PAAF1: variants seen among roughly 807,000 people sequenced by gnomAD.
The protein encoded by PAAF1 is proteasomal ATPase associated factor 1.
Under a neutral mutation model 52.8 loss-of-function variants are expected in PAAF1, and 46 were observed. The observed-to-expected ratio is 0.87, with a 90% CI of 0.69 to 1.11. The LOEUF is 1.11. PAAF1 is among the 50% of genes most tolerant of loss of function. PAAF1 has a pLI of 0.00. For synonymous variants in PAAF1, 178 were observed against 172.8 expected, an observed-to-expected ratio of 1.03 and a Z score of -0.24; for missense variants, 424 against 477.4, an observed-to-expected ratio of 0.89 and a Z score of 1.04.
chr11:73,902,577 T>C (rs1565139157), intron 6 of PAAF1, among the ~76,000 whole-genome samples: 1 of 152,284 alleles, frequency 6.6e-6, no homozygotes, highest in Non-Finnish European at 1.5e-5. Context: ...TAAATACCTT[T>C]GGATCACTGC....
upstream of PAAF1, chr11:73,876,923 C>T (rs2135111612): frequency 2.5e-6 from 3 of 1,209,828 alleles, no homozygotes; most frequent in East Asian, 3.0e-5. Context: ...CATTGGTGGC[C>T]TCTTGGTGTT....
intron 11 of PAAF1, among the ~76,000 whole-genome samples, chr11:73,925,746 T>C (rs1442545883): frequency 1.3e-5 from 2 of 152,194 alleles, no homozygotes; most frequent in African/African-American, 4.8e-5. Flanking sequence ...TTACTATTTG[T>C]TGAGGTGTAG....
chr11:73,908,552 G>A (rs1453393997), intron 6 of PAAF1, among the ~76,000 whole-genome samples: 1 of 151,164 alleles, frequency 6.6e-6, no homozygotes, highest in Non-Finnish European at 1.5e-5. Context: ...TTACAGGCAC[G>A]AGCCACCATA....
rs183013557 is a variant in PAAF1, at chr11:73,911,505, A to T, written c.727+1912A>T. Among the ~76,000 whole-genome samples, 7 of 149,226 alleles carry T rather than the reference A, an allele frequency of 4.7e-5. No homozygotes were observed. The East Asian group carries it at 1.4e-3, about 30-fold the overall frequency. ...GCCCTAAAGTAATTTAAATGAGAAT[A>T]TTTTTTCTTGTTTTCTGTAATTTTT... On this transcript the variant is annotated intron_variant, in intron 7 of 11. Transcript: ENST00000310571.
At chr11:73,924,582 C>T (rs746097625) in intron 10 of PAAF1, 33 bp from the exon 11 acceptor site, 14 of 1,558,742 alleles carry the variant, frequency 9.0e-6, no homozygotes, top group Non-Finnish European at 1.2e-5. Context: ...GCAGTTTTCT[C>T]TTAGTTATAT....
chr11:73,878,094 G>A lies in PAAF1; in HGVS notation c.48-685G>A, dbSNP rs150583440. 1.2e-4 allele frequency among the ~76,000 whole-genome samples: 19 copies of A among 152,266 alleles called. No individual in the cohort carries two copies. In the East Asian group the frequency reaches 3.5e-3, roughly 28 times the overall value. On this transcript the variant is annotated intron_variant, in intron 1 of 11. Coordinates refer to ENST00000310571, the MANE Select transcript of PAAF1 (RefSeq NM_025155.3). ...ATGAAACATAGCCTTCTGCATTTAA[G>A]AAATTTACACCTTACTAAATTTATA...
rs369384306 is a variant in PAAF1, at chr11:73,881,149, C to T, written c.88+2330C>T. 1.6e-3 allele frequency among the ~76,000 whole-genome samples: 242 copies of T among 152,146 alleles called. 1 individual carries two copies. Among genetic ancestry groups the T allele is most frequent in the South Asian group, 9.3e-3 (45 of 4,828 alleles). ...TGGCTATCTTGTAATAAACTGTAACCAAAAGGCACAGTTTCTTTAAAGCAA... is the reference window on the plus strand; with the variant it reads ...TGGCTATCTTGTAATAAACTGTAACTAAAAGGCACAGTTTCTTTAAAGCAA... On this transcript the variant is annotated intron_variant, in intron 2 of 11. Transcript: ENST00000310571.
chr11:73,907,744 G>C (rs1949802005), intron 6 of PAAF1, among the ~76,000 whole-genome samples: 1 of 152,198 alleles, frequency 6.6e-6, no homozygotes, highest in Admixed American at 6.5e-5. Context: ...AAACCATGGG[G>C]GAGGGGAAGT....
intron 2 of PAAF1, among the ~76,000 whole-genome samples, chr11:73,882,101 G>A (rs1368351997): frequency 5.3e-5 from 8 of 151,074 alleles, no homozygotes; most frequent in Admixed American, 1.3e-4. Flanking sequence ...GGCTGGTCTC[G>A]AACTCCCAAC....
At chr11:73,921,702 A>C (rs1950225294) in intron 10 of PAAF1, 1 of 929,844 alleles carries the variant, frequency 1.1e-6, no homozygotes, top group Non-Finnish European at 1.7e-6. Context: ...GTCTCTTCAC[A>C]AAACAAGTCC....
At chr11:73,925,246 C>G in intron 11 of PAAF1, among the ~76,000 whole-genome samples, 1 of 151,272 alleles carries the variant, frequency 6.6e-6, no homozygotes, top group East Asian at 1.9e-4. Context: ...CACTTGAGCC[C>G]AGGAGTTTGA....
At chr11:73,916,066 AT>A (rs921117401) in intron 8 of PAAF1, among the ~76,000 whole-genome samples, 25 of 150,656 alleles carry the variant, frequency 1.7e-4, no homozygotes, top group Non-Finnish European at 2.8e-4. Flanking sequence ...AACTATAATA[AT>A]TTTTTTTTTC....
At position 73,919,002 on chromosome 11, in the gene PAAF1, A is replaced by C; in HGVS notation, c.988A>C (p.Ser330Arg). 1 of 1,614,064 alleles carries C rather than the reference A, an allele frequency of 6.2e-7. No homozygotes were observed. Among genetic ancestry groups the C allele is most frequent in the Non-Finnish European group, 8.5e-7 (1 of 1,180,000 alleles). Residue 330 changes from serine to arginine, a missense_variant, in exon 10 of 12, where the codon AGT becomes CGT. By Grantham distance (110) the Ser-to-Arg change is moderately radical. Transcript: ENST00000310571. The part of the protein sequence containing the change: ...RSGAPVLSLL[S>R]VRDGFIASQG... Reference sequence around the variant, plus strand: ...AGGAGCACCAGTTCTATCCCTGCTAAGTGTCAGAGATGGATTCATTGCTAG... The same window carrying C: ...AGGAGCACCAGTTCTATCCCTGCTACGTGTCAGAGATGGATTCATTGCTAG...
chr11:73,930,372 GAAAAAAAA>G lies in PAAF1; in HGVS notation c.*3014_*3021del, dbSNP rs71065056. On this transcript the variant is annotated 3_prime_UTR_variant, in exon 12 of 12. Transcript: ENST00000310571. ...GCGACAGAGCGAGGCTCTATCTCAAGAAAAAAAAAAAGAAAAAAAGAAAACAGGAAGAA... is the reference window on the plus strand; with the variant it reads ...GCGACAGAGCGAGGCTCTATCTCAAGAAAGAAAAAAAGAAAACAGGAAGAA... 2 of 127,760 alleles carry G rather than the reference GAAAAAAAA, an allele frequency of 1.6e-5. No individual in the cohort carries two copies. The highest frequency in any genetic ancestry group is 2.5e-4 in the South Asian group (1 of 4,060). 7.9% of individuals were successfully genotyped at this position (127,760 alleles called of 1,614,324 possible).
In PAAF1 at chr11:73,887,406, C is replaced by A; in HGVS notation, c.141C>A (p.Gly47=). The part of the protein sequence containing the change: ...SLTCQGIGLD[G]IPEVTASEGF... ...CTTGTCAAGGAATTGGCCTAGATGG[C>A]ATCCCAGAGGTTACAGCTTCAGAAG... Residue 47 remains glycine (G), a synonymous_variant, in exon 3 of 12, where the codon GGC becomes GGA. Coordinates refer to ENST00000310571, the MANE Select transcript of PAAF1 (RefSeq NM_025155.3). 1 of 1,613,036 alleles carries A rather than the reference C, an allele frequency of 6.2e-7. No individual in the cohort carries two copies. Among genetic ancestry groups the A allele is most frequent in the Non-Finnish European group, 8.5e-7 (1 of 1,179,612 alleles).
At chr11:73,921,595 C>G (rs950496275) in intron 10 of PAAF1, 2 of 624,006 alleles carry the variant, frequency 3.2e-6, no homozygotes, top group African/African-American at 1.8e-5. Context: ...GCAAAAGATT[C>G]GTATATCTTG....
Position 73,909,504 on chromosome 11 carries a change from T to C in PAAF1, c.638T>C (p.Val213Ala), listed in dbSNP as rs1274121469. The C allele has an allele frequency of 6.2e-7, 1 of 1,613,996 alleles. No individual in the cohort carries two copies. The highest frequency in any genetic ancestry group is 2.2e-5 in the East Asian group (1 of 44,880). ...WDCGRSACLG[V>A]LADCGSSING... ...TGTGGGCGCTCAGCCTGCTTGGGAG[T>C]CCTTGCAGATTGTGGTTCTTCTATC... is the stretch of plus-strand genomic sequence containing the variant. Residue 213 changes from valine to alanine, a missense_variant, in exon 7 of 12, where the codon GTC (valine) becomes GCC (alanine). Transcript: ENST00000310571.
intron 8 of PAAF1, among the ~76,000 whole-genome samples, chr11:73,915,358 C>A (rs1343456016): frequency 6.6e-6 from 1 of 152,214 alleles, no homozygotes; most frequent in African/African-American, 2.4e-5. Context: ...GTAATCCCAG[C>A]TTTCTGGGAG....
intron 3 of PAAF1, among the ~76,000 whole-genome samples, chr11:73,887,677 T>C (rs922419122): frequency 1.4e-4 from 21 of 152,252 alleles, no homozygotes; most frequent in African/African-American, 5.1e-4. Context: ...TCAGCTCTGA[T>C]AATGCAAGAT....
Sources: allele counts gnomAD v4.1 joint callset (sites outside exome capture counted in the v4.1 genomes callset), GRCh38; gene constraint gnomAD v4.1.1; transcripts MANE v1.5; gene names NCBI Gene and HGNC (gene_info 2026-07-23, HGNC 2026-07-21).